GRB14: variants seen among roughly 807,000 people sequenced by gnomAD.
The protein encoded by GRB14 is growth factor receptor-bound protein 14.
GRB14 carries 38 observed loss-of-function variants against 69.1 expected under a neutral mutation model. The observed-to-expected ratio is 0.55, with a 90% CI of 0.42 to 0.72. The LOEUF is 0.72. Among genes scored for constraint, GRB14 ranks in the 30% least tolerant of loss-of-function variants. GRB14 has a pLI of 0.00. For synonymous variants in GRB14, 247 were observed against 241.3 expected (o/e 1.02, Z -0.22); for missense variants, 666 against 666.1 (o/e 1.00, Z 0.00).
chr2:164,602,115 C>T (rs1163872150), intron 2 of GRB14, among the ~76,000 whole-genome samples: 26 of 135,756 alleles, frequency 1.9e-4, no homozygotes, highest in Middle Eastern at 7.4e-3. Context: ...TGTGTGTCTC[C>T]AAATGTATTT....
intron 3 of GRB14, among the ~76,000 whole-genome samples, chr2:164,536,544 T>C (rs1048804298): frequency 6.6e-6 from 1 of 152,232 alleles, no homozygotes; most frequent in Non-Finnish European, 1.5e-5. Context: ...CCTTTCAGTA[T>C]ATTCCTTTCT....
chr2:164,494,381 T>C (rs1686836516), intron 13 of GRB14, 50 bp downstream of exon 13: 1 of 945,524 alleles, frequency 1.1e-6, no homozygotes, highest in Non-Finnish European at 1.7e-6. Flanking sequence ...CAAAAGCTTA[T>C]GCATTAAGGT....
intron 13 of GRB14, 133 bp downstream of exon 13, chr2:164,494,298 A>T (rs1686835129): frequency 4.9e-6 from 3 of 610,042 alleles, no homozygotes; most frequent in Non-Finnish European, 5.9e-6. Flanking sequence ...TAGTCAAAGC[A>T]CAAGCTGCCA....
chr2:164,580,809 C>G (rs1689385124), intron 2 of GRB14, among the ~76,000 whole-genome samples: 1 of 152,106 alleles, frequency 6.6e-6, no homozygotes, highest in South Asian at 2.1e-4. Context: ...TAACTCAGCA[C>G]CCAGGAATAC....
At chr2:164,512,290 C>T (rs1687359802) in intron 6 of GRB14, among the ~76,000 whole-genome samples, 1 of 152,164 alleles carries the variant, frequency 6.6e-6, no homozygotes, top group South Asian at 2.1e-4. Context: ...CCTTAGCCTC[C>T]TGAGTAGCTG....
At chr2:164,520,639 G>C (rs532991528) in intron 6 of GRB14, among the ~76,000 whole-genome samples, 1 of 151,768 alleles carries the variant, frequency 6.6e-6, no homozygotes, top group South Asian at 2.1e-4. Flanking sequence ...GAATCTACAA[G>C]GAACTCAAAC....
At chr2:164,613,190 C>T (rs746198423) in intron 2 of GRB14, among the ~76,000 whole-genome samples, 6 of 152,118 alleles carry the variant, frequency 3.9e-5, no homozygotes, top group Non-Finnish European at 7.4e-5. Flanking sequence ...GAACTGGGTA[C>T]GTTAAGTCAA....
chr2:164,527,885 G>A (rs1351835098), intron 3 of GRB14, among the ~76,000 whole-genome samples: 1 of 151,966 alleles, frequency 6.6e-6, no homozygotes, highest in Non-Finnish European at 1.5e-5. Context: ...GAAACTGTGA[G>A]GATGTTGACA....
At chr2:164,563,663 T>C (rs185366512) in intron 2 of GRB14, among the ~76,000 whole-genome samples, 1 of 152,306 alleles carries the variant, frequency 6.6e-6, no homozygotes, top group East Asian at 1.9e-4. Context: ...CTGAGGACAT[T>C]GTGGGGCTGC....
chr2:164,500,859 G>A (rs1262864895), intron 9 of GRB14, among the ~76,000 whole-genome samples: 1 of 151,952 alleles, frequency 6.6e-6, no homozygotes, highest in East Asian at 1.9e-4. Flanking sequence ...AAAGACAAGG[G>A]TAATACCATA....
At chr2:164,533,042 G>A (rs1481353373) in intron 3 of GRB14, among the ~76,000 whole-genome samples, 2 of 151,980 alleles carry the variant, frequency 1.3e-5, no homozygotes, top group African/African-American at 4.8e-5. Context: ...ACAACCACAT[G>A]TCTGAGCCCA....
chr2:164,602,899 A>G (rs564822740), intron 2 of GRB14, among the ~76,000 whole-genome samples: 1 of 152,338 alleles, frequency 6.6e-6, no homozygotes, highest in East Asian at 1.9e-4. Context: ...GAAGCTAGCT[A>G]TTTAAAGATT....
chr2:164,541,239 G>C (rs1688229932), intron 3 of GRB14, among the ~76,000 whole-genome samples: 1 of 151,956 alleles, frequency 6.6e-6, no homozygotes, highest in Admixed American at 6.6e-5. Context: ...AGGCCGAGGT[G>C]GGGTGGTTCA....
chr2:164,525,729 T>C (rs1376470313), intron 4 of GRB14, among the ~76,000 whole-genome samples: 2 of 152,092 alleles, frequency 1.3e-5, no homozygotes, highest in African/African-American at 4.8e-5. Context: ...TGGGAAAATA[T>C]ATTCTACTAT....
intron 2 of GRB14, among the ~76,000 whole-genome samples, chr2:164,603,436 G>A (rs1167138114): frequency 2.0e-5 from 3 of 152,118 alleles, no homozygotes; most frequent in Non-Finnish European, 2.9e-5. Flanking sequence ...GGCTGAGGCA[G>A]GAGGATCACC....
At chr2:164,601,029 T>C (rs1461638960) in intron 2 of GRB14, among the ~76,000 whole-genome samples, 1 of 152,152 alleles carries the variant, frequency 6.6e-6, no homozygotes, top group South Asian at 2.1e-4. Flanking sequence ...TCATCTACTT[T>C]GTCCAATTGT....
intron 2 of GRB14, among the ~76,000 whole-genome samples, chr2:164,560,365 T>C (rs1030490191): frequency 1.8e-4 from 28 of 152,292 alleles, no homozygotes; most frequent in African/African-American, 6.7e-4. Flanking sequence ...GCCAGAATAA[T>C]TGCAAATACT....
intron 2 of GRB14, among the ~76,000 whole-genome samples, chr2:164,610,069 T>C (rs1054445489): frequency 6.6e-6 from 1 of 152,174 alleles, no homozygotes; most frequent in Non-Finnish European, 1.5e-5. Flanking sequence ...GGAGCACAGG[T>C]GGGTTCTCAG....
intron 3 of GRB14, among the ~76,000 whole-genome samples, chr2:164,528,460 A>G (rs1008536023): frequency 3.9e-5 from 6 of 152,144 alleles, no homozygotes; most frequent in African/African-American, 1.4e-4. Context: ...TTCAACATTC[A>G]GTAGTGATTT....
Sources: allele counts gnomAD v4.1 joint callset (sites outside exome capture counted in the v4.1 genomes callset), GRCh38; gene constraint gnomAD v4.1.1; transcripts MANE v1.5; gene names NCBI Gene and HGNC (gene_info 2026-07-23, HGNC 2026-07-21).